The following ITGA1 variants were observed in gnomAD, a reference collection of about 807,000 sequenced individuals.
ITGA1 encodes the protein integrin alpha-1.
ITGA1 carries 85 observed loss-of-function variants against 145.9 expected under a neutral mutation model. The ratio of observed to expected loss-of-function variants is 0.58; its 90% CI spans 0.49 to 0.70. The LOEUF (loss-of-function observed/expected upper bound fraction) is 0.70, where lower values mean the gene tolerates loss of function less well. Among genes scored for constraint, ITGA1 ranks in the 30% least tolerant of loss-of-function variants. ITGA1 has a pLI of 0.00. For synonymous variants in ITGA1, 520 were observed against 495.3 expected (o/e 1.05, Z -0.66); for missense variants, 1,351 against 1,418.7 (o/e 0.95, Z 0.77).
chr5:52,910,553 T>G (rs946919039), intron 14 of ITGA1, 134 bp downstream of exon 14: 2 of 918,278 alleles, frequency 2.2e-6, no homozygotes, highest in African/African-American at 1.7e-5. Context: ...TAATTCTCTT[T>G]AAGTGTTTTT....
At chr5:52,882,096 C>T (rs1249177988) in intron 7 of ITGA1, 75 bp downstream of exon 7, 3 of 1,263,704 alleles carry the variant, frequency 2.4e-6, no homozygotes, top group African/African-American at 3.0e-5. Flanking sequence ...TTTGGCATAT[C>T]AATTGAAAGT....
chr5:52,888,656 A>G (rs540486344), intron 8 of ITGA1, among the ~76,000 whole-genome samples: 16 of 152,268 alleles, frequency 1.1e-4, no homozygotes, highest in Admixed American at 5.9e-4. Context: ...TCTGAAATAA[A>G]AAGTTACCCA....
At chr5:52,873,384 G>A (rs780856013) in intron 6 of ITGA1, among the ~76,000 whole-genome samples, 14 of 151,996 alleles carry the variant, frequency 9.2e-5, no homozygotes, top group Non-Finnish European at 1.5e-4. Flanking sequence ...TTGAGCCTAC[G>A]TCACTTTCAT....
chr5:52,894,698 G>A (rs1482652069), intron 9 of ITGA1, among the ~76,000 whole-genome samples: 2 of 152,124 alleles, frequency 1.3e-5, no homozygotes, highest in African/African-American at 2.4e-5. Context: ...CCCTGTCCTT[G>A]TGAGGACACA....
intron 2 of ITGA1, among the ~76,000 whole-genome samples, chr5:52,856,858 T>G (rs1340621582): frequency 6.6e-6 from 1 of 152,188 alleles, no homozygotes; most frequent in African/African-American, 2.4e-5. Context: ...ATTCCCCTAT[T>G]GCCTGGGCTC....
intron 14 of ITGA1, among the ~76,000 whole-genome samples, chr5:52,911,775 CTA>C (rs1236817041): frequency 0.025 from 2,596 of 105,768 alleles, 3 homozygotes; most frequent in African/African-American, 0.08. Flanking sequence ...ACTATATATA[CTA>C]TATATATAGT....
At chr5:52,796,036 T>TTTTAG (rs1748335411) in intron 1 of ITGA1, among the ~76,000 whole-genome samples, 1 of 151,932 alleles carries the variant, frequency 6.6e-6, no homozygotes, top group Non-Finnish European at 1.5e-5. Context: ...AAAACAAATA[T>TTTTAG]GTTAGGATGA....
chr5:52,826,814 C>G (rs1438005801), intron 1 of ITGA1, among the ~76,000 whole-genome samples: 1 of 152,188 alleles, frequency 6.6e-6, no homozygotes, highest in Non-Finnish European at 1.5e-5. Context: ...AAAAGAGATT[C>G]CTTTCAAAAT....
At chr5:52,872,324 G>A (rs1749789250) in intron 6 of ITGA1, among the ~76,000 whole-genome samples, 1 of 152,068 alleles carries the variant, frequency 6.6e-6, no homozygotes, top group Admixed American at 6.6e-5. Flanking sequence ...GTGGGGTAGG[G>A]AATGGGGTGA....
intron 1 of ITGA1, among the ~76,000 whole-genome samples, chr5:52,820,886 T>A (rs1004938432): frequency 2.6e-5 from 4 of 152,178 alleles, no homozygotes; most frequent in Non-Finnish European, 5.9e-5. Context: ...AATTTAAGGT[T>A]GTCTGTTTTG....
intron 17 of ITGA1, among the ~76,000 whole-genome samples, chr5:52,921,160 A>G (rs1355177554): frequency 6.6e-6 from 1 of 152,132 alleles, no homozygotes; most frequent in Non-Finnish European, 1.5e-5. Flanking sequence ...TTTTCTTAAA[A>G]TGTACATGAG....
In ITGA1 at chr5:52,842,982, G is replaced by A. The variant is rs1392495756; in HGVS notation, c.62-6383G>A. 5.9e-5 allele frequency among the ~76,000 whole-genome samples: 9 copies of A among 152,076 alleles called. No homozygotes were observed. In the East Asian group the frequency reaches 1.2e-3, roughly 20 times the overall value. ...GCTGGGATTTCAAGTGTGAGCCACC[G>A]TGCCTGGCTTAGCATCATCTTTTTA... On this transcript the variant is annotated intron_variant, in intron 1 of 28. Coordinates refer to ENST00000282588, the MANE Select transcript of ITGA1 (RefSeq NM_181501.2).
intron 1 of ITGA1, among the ~76,000 whole-genome samples, chr5:52,806,606 AGT>A (rs1455566531): frequency 2.0e-5 from 3 of 152,108 alleles, no homozygotes; most frequent in Non-Finnish European, 4.4e-5. Context: ...CTTTTTAGGA[AGT>A]GTGTGATATA....
intron 1 of ITGA1, among the ~76,000 whole-genome samples, chr5:52,797,002 A>T (rs1442341194): frequency 6.6e-6 from 1 of 152,118 alleles, no homozygotes; most frequent in East Asian, 1.9e-4. Flanking sequence ...CCTGAGGGGA[A>T]AAGTGGGAAG....
chr5:52,812,425 CAT>C (rs1439646040), intron 1 of ITGA1, among the ~76,000 whole-genome samples: 12 of 152,330 alleles, frequency 7.9e-5, no homozygotes, highest in South Asian at 4.1e-4. Flanking sequence ...AAAAATCACA[CAT>C]GTTACAGAAA....
At chr5:52,900,386 C>T (rs1750295860) in intron 11 of ITGA1, among the ~76,000 whole-genome samples, 1 of 152,030 alleles carries the variant, frequency 6.6e-6, no homozygotes, top group African/African-American at 2.4e-5. Context: ...AAAAAATGTT[C>T]GTACCACATT....
chr5:52,858,746 T>G (rs189060754), intron 2 of ITGA1, among the ~76,000 whole-genome samples: 51 of 152,292 alleles, frequency 3.3e-4, no homozygotes, highest in African/African-American at 1.2e-3. Context: ...TGATTAATCT[T>G]TCAACATCGA....
intron 2 of ITGA1, among the ~76,000 whole-genome samples, chr5:52,851,900 A>T (rs1749437398): frequency 6.6e-6 from 1 of 152,212 alleles, no homozygotes; most frequent in African/African-American, 2.4e-5. Flanking sequence ...TTCCATGGGA[A>T]ATATTTATAC....
At chr5:52,891,440 G>T in intron 8 of ITGA1, among the ~76,000 whole-genome samples, 1 of 149,530 alleles carries the variant, frequency 6.7e-6, no homozygotes. Flanking sequence ...TGTGTACTGG[G>T]GATTCATTTT....
Sources: gnomAD v4.1 joint callset for allele counts (sites outside exome capture counted in the v4.1 genomes callset) on GRCh38, gnomAD v4.1.1 for gene constraint, MANE v1.5 for transcripts, NCBI Gene and HGNC (gene_info 2026-07-23, HGNC 2026-07-21) for gene names.